Variants in SMAP1 observed in about 807,000 individuals in gnomAD.
SMAP1 encodes small ArfGAP 1.
SMAP1 carries 24 observed loss-of-function variants against 58.5 expected under a neutral mutation model. The ratio of observed to expected loss-of-function variants is 0.41; its 90% CI spans 0.30 to 0.58. SMAP1 has a LOEUF of 0.58. Ranked by LOEUF, SMAP1 falls within the 20% of genes least tolerant of loss-of-function variation. The probability of loss-of-function intolerance (pLI) is 0.29; values close to 1 mark genes in which losing one functional copy is unlikely to be tolerated. For synonymous variants in SMAP1, 216 were observed against 196.6 expected (o/e 1.10, Z -0.82); for missense variants, 563 against 566.3 (o/e 0.99, Z 0.06).
intron 1 of SMAP1, chr6:70,668,385 C>A: frequency 1.1e-6 from 1 of 904,320 alleles, no homozygotes; most frequent in Non-Finnish European, 1.6e-6. Flanking sequence ...TCCTCCCAGA[C>A]ACGGGTTTGA....
chr6:70,757,407 A>G (rs1222674169), intron 3 of SMAP1, among the ~76,000 whole-genome samples: 12 of 151,994 alleles, frequency 7.9e-5, no homozygotes, highest in Non-Finnish European at 1.8e-4. Flanking sequence ...ACCTAAAACA[A>G]TAAAAACCCT....
intron 7 of SMAP1, among the ~76,000 whole-genome samples, chr6:70,847,330 T>C (rs1771031591): frequency 6.6e-6 from 1 of 152,196 alleles, no homozygotes; most frequent in Non-Finnish European, 1.5e-5. Flanking sequence ...CTTCTGTTCT[T>C]GGAAGTTGTA....
At chr6:70,803,982 T>G (rs554819674) in intron 6 of SMAP1, among the ~76,000 whole-genome samples, 1 of 152,236 alleles carries the variant, frequency 6.6e-6, no homozygotes, top group African/African-American at 2.4e-5. Context: ...GGGTGGAGAG[T>G]TCTGTAGATG....
intron 2 of SMAP1, among the ~76,000 whole-genome samples, chr6:70,749,530 T>C (rs1362878116): frequency 6.6e-6 from 1 of 152,158 alleles, no homozygotes; most frequent in Admixed American, 6.5e-5. Context: ...GAAGATGTAA[T>C]TGCAACTTAA....
rs575090488 is a variant in SMAP1, at chr6:70,796,138, CTATT to C, written c.496-2514_496-2511del. Among the ~76,000 whole-genome samples, 684 of 152,220 alleles carry C rather than the reference CTATT, an allele frequency of 4.5e-3. 3 individuals are homozygous for C. Among genetic ancestry groups the C allele is most frequent in the South Asian group, 0.033 (157 of 4,826 alleles). ...AATATATATAAAATTTTTGCACATCCTATTTATTCTTTACTTATAAAATGGGGAT... is the reference window on the plus strand; with the variant it reads ...AATATATATAAAATTTTTGCACATCCTATTCTTTACTTATAAAATGGGGAT... On this transcript the variant is annotated intron_variant, in intron 5 of 10. Transcript: ENST00000370455.
chr6:70,861,972 G>A lies in SMAP1; in HGVS notation c.*1638G>A. The A allele has an allele frequency of 6.3e-7, 1 of 1,582,676 alleles. No homozygotes were observed. Among genetic ancestry groups the A allele is most frequent in the Non-Finnish European group, 8.6e-7 (1 of 1,167,738 alleles). ...GGACAAAATGACTTGAAGACTTACA[G>A]CAAATCCTTTGTGAAAAATAAAAAA... On this transcript the variant is annotated 3_prime_UTR_variant, in exon 11 of 11. Coordinates refer to ENST00000370455, the MANE Select transcript of SMAP1 (RefSeq NM_001044305.3).
intron 6 of SMAP1, among the ~76,000 whole-genome samples, chr6:70,828,165 GTATT>G (rs1770214776): frequency 6.6e-6 from 1 of 152,098 alleles, no homozygotes; most frequent in Admixed American, 6.6e-5. Flanking sequence ...TTTTATTAAT[GTATT>G]TATAGCATAT....
chr6:70,736,509 A>C (rs914140338), intron 2 of SMAP1, among the ~76,000 whole-genome samples: 3 of 152,218 alleles, frequency 2.0e-5, no homozygotes, highest in African/African-American at 7.2e-5. Context: ...GGATACAGGA[A>C]ACAAGGATTT....
At chr6:70,770,215 C>G (rs1168853115) in intron 3 of SMAP1, among the ~76,000 whole-genome samples, 4 of 151,540 alleles carry the variant, frequency 2.6e-5, no homozygotes, top group African/African-American at 4.9e-5. Context: ...GTGAATCTGA[C>G]AATTATGTGT....
intron 1 of SMAP1, among the ~76,000 whole-genome samples, chr6:70,721,528 A>T (rs1451472845): frequency 6.6e-6 from 1 of 152,074 alleles, no homozygotes; most frequent in Non-Finnish European, 1.5e-5. Context: ...GAGCCTTCCA[A>T]ACTGTCCCAT....
chr6:70,799,844 A>T (rs1768769305), intron 6 of SMAP1, among the ~76,000 whole-genome samples: 1 of 152,206 alleles, frequency 6.6e-6, no homozygotes, highest in African/African-American at 2.4e-5. Flanking sequence ...GGATAATGTC[A>T]AACTTTTTTC....
chr6:70,725,716 C>T (rs1768752756), intron 1 of SMAP1, among the ~76,000 whole-genome samples: 1 of 152,298 alleles, frequency 6.6e-6, no homozygotes, highest in Non-Finnish European at 1.5e-5. Context: ...CTCTTCTGTT[C>T]CTCCTTGGGC....
chr6:70,737,667 G>C (rs141638141), intron 2 of SMAP1, among the ~76,000 whole-genome samples: 14 of 152,248 alleles, frequency 9.2e-5, no homozygotes, highest in African/African-American at 3.4e-4. Flanking sequence ...TGCTGTGGTG[G>C]CTTCCACTAT....
rs367549073 is a variant in SMAP1, at chr6:70,785,665, G to T, written c.415-6024G>T. Among the ~76,000 whole-genome samples the T allele has an allele frequency of 3.7e-3, 556 of 152,074 alleles. 5 individuals are homozygous for T. Among genetic ancestry groups the T allele is most frequent in the Admixed American group, 0.019 (297 of 15,258 alleles). ...AATACAAACTACCATCAGAGAATAC[G>T]ACAAACACCTCTACGCAAATAAACT... On this transcript the variant is annotated intron_variant, in intron 4 of 10. Transcript: ENST00000370455.
rs202044748 is a variant in SMAP1, at chr6:70,716,366, A to G, written c.119-16012A>G. 1.1e-4 allele frequency among the ~76,000 whole-genome samples: 17 copies of G among 152,262 alleles called. No individual in the cohort carries two copies. The East Asian group carries it at 3.1e-3, about 28-fold the overall frequency. ...GGATCCCTTGCATGTGCAGTTCACAACAGAGTTTGTGCTTTTATGAGAATC... is the reference window on the plus strand; with the variant it reads ...GGATCCCTTGCATGTGCAGTTCACAGCAGAGTTTGTGCTTTTATGAGAATC... On this transcript the variant is annotated intron_variant, in intron 1 of 10. Transcript: ENST00000370455.
At chr6:70,700,216 C>T (rs557836171) in intron 1 of SMAP1, among the ~76,000 whole-genome samples, 56 of 152,318 alleles carry the variant, frequency 3.7e-4, no homozygotes, top group Admixed American at 1.8e-3. Flanking sequence ...CACCTTCTGT[C>T]GTGAGTAAAA....
At chr6:70,813,395 T>C (rs1163590138) in intron 6 of SMAP1, among the ~76,000 whole-genome samples, 6 of 152,162 alleles carry the variant, frequency 3.9e-5, no homozygotes, top group Non-Finnish European at 7.4e-5. Flanking sequence ...GCTTAAGTTA[T>C]ACAAATATAT....
At chr6:70,794,457 G>T (rs1003564020) in intron 5 of SMAP1, among the ~76,000 whole-genome samples, 2 of 152,176 alleles carry the variant, frequency 1.3e-5, no homozygotes, top group Non-Finnish European at 2.9e-5. Context: ...TAAGTTCTAA[G>T]ATACATGTGC....
chr6:70,800,502 T>C (rs932124444), intron 6 of SMAP1, among the ~76,000 whole-genome samples: 2 of 151,974 alleles, frequency 1.3e-5, no homozygotes, highest in African/African-American at 4.8e-5. Flanking sequence ...TCTAATTTTG[T>C]TTCTGTTTTC....
Sources: gnomAD v4.1 joint callset for allele counts (sites outside exome capture counted in the v4.1 genomes callset) on GRCh38, gnomAD v4.1.1 for gene constraint, MANE v1.5 for transcripts, NCBI Gene and HGNC (gene_info 2026-07-23, HGNC 2026-07-21) for gene names.